LINC00305: variants seen among roughly 807,000 people sequenced by gnomAD.
LINC00305 encodes long intergenic non-protein coding RNA 305.
intron 3 of LINC00305, among the ~76,000 whole-genome samples, chr18:64,096,099 G>A (rs1464966649): frequency 6.6e-6 from 1 of 151,966 alleles, no homozygotes; most frequent in Non-Finnish European, 1.5e-5. Context: ...ATTAAGGATA[G>A]AGTTCATAGA....
chr18:64,112,575 T>C lies in LINC00305; in HGVS notation n.315-13935A>G, dbSNP rs80309314. Among the ~76,000 whole-genome samples the C allele has an allele frequency of 3.3e-4, 51 of 152,366 alleles. No individual in the cohort carries two copies. In the East Asian group the frequency reaches 5.6e-3, roughly 17 times the overall value. ...AATACAATTTAGTGGTATGATTTTG[T>C]TGATCTTGATAAGCAAGATTCTATA... On this transcript the variant is annotated intron_variant and non_coding_transcript_variant, in intron 1 of 3. Transcript: ENST00000666468.
intron 3 of LINC00305, among the ~76,000 whole-genome samples, chr18:64,094,138 C>G (rs901650918): frequency 2.2e-4 from 34 of 151,992 alleles, no homozygotes; most frequent in African/African-American, 8.2e-4. Context: ...TCCTAGATCT[C>G]CTGTGAAATG....
At chr18:64,087,682 G>C (rs1224513527) in intron 3 of LINC00305, among the ~76,000 whole-genome samples, 2 of 152,066 alleles carry the variant, frequency 1.3e-5, no homozygotes, top group African/African-American at 4.8e-5. Flanking sequence ...GATTGCTTTT[G>C]TCTTTAAGGA....
intron 1 of LINC00305, among the ~76,000 whole-genome samples, chr18:64,113,246 A>T (rs2051322964): frequency 6.6e-6 from 1 of 152,256 alleles, no homozygotes. Flanking sequence ...CAATTTACTT[A>T]GTTTTCTAGT....
intron 3 of LINC00305, among the ~76,000 whole-genome samples, chr18:64,085,707 C>T (rs550502127): frequency 3.3e-5 from 5 of 152,176 alleles, no homozygotes; most frequent in South Asian, 2.1e-4. Flanking sequence ...GTGATCCACC[C>T]GCCTCTGCCT....
chr18:64,148,492 T>G (rs1300409238), intron 1 of LINC00305, among the ~76,000 whole-genome samples: 1 of 152,118 alleles, frequency 6.6e-6, no homozygotes, highest in Non-Finnish European at 1.5e-5. Flanking sequence ...TAAGGGAATT[T>G]AATGATGTCT....
intron 1 of LINC00305, among the ~76,000 whole-genome samples, chr18:64,108,599 T>C (rs1446460061): frequency 1.3e-5 from 2 of 151,980 alleles, no homozygotes; most frequent in African/African-American, 4.8e-5. Flanking sequence ...AAATGTGAGG[T>C]GATAAGAAAA....
chr18:64,138,030 A>G lies in LINC00305; in HGVS notation n.314+10745T>C, dbSNP rs73962163. Among the ~76,000 whole-genome samples, 733 of 152,290 alleles carry G rather than the reference A, an allele frequency of 4.8e-3. 7 individuals carry two copies. Among genetic ancestry groups the G allele is most frequent in the African/African-American group, 0.017 (700 of 41,572 alleles). Reference sequence around the variant, plus strand: ...GATTGCCTCTCCAAATGTCAATGCTATTGGGCTTTCCCTGGGAAAACAAAA... The same window carrying G: ...GATTGCCTCTCCAAATGTCAATGCTGTTGGGCTTTCCCTGGGAAAACAAAA... On this transcript the variant is annotated intron_variant and non_coding_transcript_variant, in intron 1 of 3. Transcript: ENST00000666468.
intron 1 of LINC00305, among the ~76,000 whole-genome samples, chr18:64,145,374 C>T (rs566963320): frequency 3.3e-5 from 5 of 152,192 alleles, no homozygotes; most frequent in East Asian, 1.9e-4. Context: ...AACCTACCCC[C>T]GCCCTGACTA....
At chr18:64,119,839 G>A (rs745308518) in intron 1 of LINC00305, among the ~76,000 whole-genome samples, 2 of 151,950 alleles carry the variant, frequency 1.3e-5, no homozygotes, top group Non-Finnish European at 2.9e-5. Flanking sequence ...TTTCTCTGTG[G>A]CATCTTTCTC....
At chr18:64,135,033 C>T (rs758813839) in intron 1 of LINC00305, among the ~76,000 whole-genome samples, 3 of 152,180 alleles carry the variant, frequency 2.0e-5, no homozygotes, top group Admixed American at 6.5e-5. Flanking sequence ...AACTGGAAGT[C>T]CGAAATCAAG....
At chr18:64,145,803 G>C (rs1430822008) in intron 1 of LINC00305, among the ~76,000 whole-genome samples, 1 of 152,074 alleles carries the variant, frequency 6.6e-6, no homozygotes, top group Non-Finnish European at 1.5e-5. Context: ...TGAAGTCTCT[G>C]GGTTTTTGTT....
chr18:64,135,435 G>A (rs1371362026), intron 1 of LINC00305, among the ~76,000 whole-genome samples: 2 of 152,048 alleles, frequency 1.3e-5, no homozygotes, highest in African/African-American at 4.8e-5. Context: ...GAGGTTTTTA[G>A]GGACAGAAAC....
chr18:64,134,127 A>C lies in LINC00305; in HGVS notation n.314+14648T>G, dbSNP rs182315939. Among the ~76,000 whole-genome samples the C allele has an allele frequency of 2.2e-3, 340 of 152,316 alleles. 2 individuals are homozygous for C. Among genetic ancestry groups the C allele is most frequent in the African/African-American group, 7.9e-3 (330 of 41,584 alleles). On this transcript the variant is annotated intron_variant and non_coding_transcript_variant, in intron 1 of 3. Transcript: ENST00000666468. ...AATTATGGAAGATTAGTTCAATATA[A>C]ATATATCAAGCATCCTGTGATACTG...
At chr18:64,120,158 C>G (rs956568702) in intron 1 of LINC00305, among the ~76,000 whole-genome samples, 3 of 152,074 alleles carry the variant, frequency 2.0e-5, no homozygotes, top group African/African-American at 7.2e-5. Context: ...ATAATAAAAG[C>G]TTACCTGTTA....
intron 3 of LINC00305, among the ~76,000 whole-genome samples, chr18:64,090,781 A>G (rs1205866802): frequency 1.3e-5 from 2 of 152,220 alleles, no homozygotes; most frequent in Non-Finnish European, 2.9e-5. Flanking sequence ...TGTATCATTC[A>G]TCTTTATATT....
At chr18:64,143,771 CGT>C (rs1160164064) in intron 1 of LINC00305, among the ~76,000 whole-genome samples, 23,501 of 143,380 alleles carry the variant, frequency 0.16, 834 homozygotes, top group East Asian at 0.27. Context: ...ACATATTATG[CGT>C]ACATGTATGT....
At chr18:64,084,065 A>G (rs1364772957) in intron 3 of LINC00305, among the ~76,000 whole-genome samples, 1 of 152,146 alleles carries the variant, frequency 6.6e-6, no homozygotes, top group Non-Finnish European at 1.5e-5. Flanking sequence ...CACCCACAGA[A>G]AACACACTCT....
At chr18:64,146,547 G>A in intron 1 of LINC00305, among the ~76,000 whole-genome samples, 1 of 152,144 alleles carries the variant, frequency 6.6e-6, no homozygotes, top group Non-Finnish European at 1.5e-5. Flanking sequence ...TCATCCCCAA[G>A]TGAGACAGCC....
Sources: allele counts gnomAD v4.1 joint callset (sites outside exome capture counted in the v4.1 genomes callset), GRCh38; gene constraint gnomAD v4.1.1; transcripts MANE v1.5; gene names NCBI Gene and HGNC (gene_info 2026-07-23, HGNC 2026-07-21).